Variants in TULP4 observed in about 807,000 individuals in gnomAD.
The protein encoded by TULP4 is tubby-related protein 4.
In TULP4, 16 loss-of-function variants were observed where a neutral mutation model predicts 129.0. The ratio of observed to expected loss-of-function variants is 0.12; its 90% CI spans 0.08 to 0.19. The LOEUF (loss-of-function observed/expected upper bound fraction) is 0.19. Ranked by LOEUF, TULP4 falls within the 10% of genes least tolerant of loss-of-function variation. TULP4 has a pLI of 1.00. For synonymous variants in TULP4, 998 were observed against 854.0 expected, an observed-to-expected ratio of 1.17 and a Z score of -2.94; for missense variants, 1,842 against 2,059.1, an observed-to-expected ratio of 0.89 and a Z score of 2.04.
At chr6:158,455,899 A>G (rs1779282610) in intron 5 of TULP4, among the ~76,000 whole-genome samples, 1 of 152,190 alleles carries the variant, frequency 6.6e-6, no homozygotes, top group African/African-American at 2.4e-5. Context: ...GAAATGACTG[A>G]CAGTAGACAG....
At chr6:158,385,655 A>G (rs1304845048) in intron 1 of TULP4, among the ~76,000 whole-genome samples, 2 of 149,126 alleles carry the variant, frequency 1.3e-5, no homozygotes, top group Admixed American at 6.7e-5. Context: ...TACATGTACA[A>G]TATATACAAA....
chr6:158,450,396 C>G (rs201779250), intron 4 of TULP4, among the ~76,000 whole-genome samples: 7 of 54,218 alleles, frequency 1.3e-4, no homozygotes, highest in Non-Finnish European at 1.3e-4. Context: ...TCTTCTCTTT[C>G]CTGTCACAGT....
intron 1 of TULP4, among the ~76,000 whole-genome samples, chr6:158,380,894 C>CAAAAAAAAAAA (rs1227720723): frequency 1.2e-4 from 9 of 72,226 alleles, no homozygotes; most frequent in African/African-American, 2.8e-4. Flanking sequence ...ACTCTGTCTC[C>CAAAAAAAAAAA]AAAAAAAAAA....
At chr6:158,486,529 G>C (rs1252804929) in intron 8 of TULP4, among the ~76,000 whole-genome samples, 1 of 151,968 alleles carries the variant, frequency 6.6e-6, no homozygotes, top group Non-Finnish European at 1.5e-5. Context: ...CTCCAGCCTG[G>C]GTGACAGAGC....
intron 1 of TULP4, among the ~76,000 whole-genome samples, chr6:158,392,552 T>C (rs779104987): frequency 1.3e-5 from 2 of 152,030 alleles, no homozygotes; most frequent in Non-Finnish European, 2.9e-5. Context: ...AGCTCGACCA[T>C]AGTGTTAAAG....
rs377295842 is a variant in TULP4 at position 158,358,998 on chromosome 6, C to T, written c.252+44730C>T. On this transcript the variant is annotated intron_variant, in intron 1 of 13. Transcript: ENST00000367097. ...TAAGCCGTTTCAGCTTTCTCCTGGGCAGTGGTCAGCCATGTACATTACATG... is the reference window on the plus strand; with the variant it reads ...TAAGCCGTTTCAGCTTTCTCCTGGGTAGTGGTCAGCCATGTACATTACATG... 5.3e-5 allele frequency among the ~76,000 whole-genome samples: 8 copies of T among 152,302 alleles called. No homozygotes were observed. In the South Asian group the frequency reaches 1.5e-3, roughly 28 times the overall value.
At chr6:158,481,492 T>C in intron 8 of TULP4, 1 of 618,504 alleles carries the variant, frequency 1.6e-6, no homozygotes, top group Non-Finnish European at 2.9e-6. Context: ...AGGTTTTTAA[T>C]CATATTCCAT....
chr6:158,239,215 C>T (rs1396448480), intron 1 of TULP4, among the ~76,000 whole-genome samples: 1 of 75,166 alleles, frequency 1.3e-5, no homozygotes, highest in Middle Eastern at 0.014. Context: ...CCGGACGGGA[C>T]GGCTGGCCGG....
chr6:158,391,591 C>G (rs1392109706), intron 1 of TULP4, among the ~76,000 whole-genome samples: 5 of 152,084 alleles, frequency 3.3e-5, no homozygotes, highest in African/African-American at 9.7e-5. Flanking sequence ...GTCTGAGTGG[C>G]AGGGGCTTTC....
chr6:158,487,110 T>C (rs1583930434), intron 8 of TULP4, among the ~76,000 whole-genome samples: 1 of 141,096 alleles, frequency 7.1e-6, no homozygotes, highest in Non-Finnish European at 1.6e-5. Context: ...TAGCTGGGTG[T>C]GGTGGCAGGT....
intron 1 of TULP4, among the ~76,000 whole-genome samples, chr6:158,351,340 A>G (rs1408680969): frequency 6.6e-6 from 1 of 152,164 alleles, no homozygotes; most frequent in African/African-American, 2.4e-5. Context: ...TTTGTGCCTC[A>G]GTTCTCTGTG....
At chr6:158,447,388 A>C (rs1779075277) in intron 3 of TULP4, among the ~76,000 whole-genome samples, 1 of 152,152 alleles carries the variant, frequency 6.6e-6, no homozygotes, top group African/African-American at 2.4e-5. Flanking sequence ...TAATGAATTA[A>C]TTGCTGCGTC....
intron 1 of TULP4, among the ~76,000 whole-genome samples, chr6:158,297,008 T>C (rs906852201): frequency 1.3e-5 from 2 of 152,194 alleles, no homozygotes; most frequent in African/African-American, 2.4e-5. Flanking sequence ...AGAACCAGTC[T>C]GACCTGAAAT....
At chr6:158,378,485 T>TTTTTTTTGTTGGG (rs1554285635) in intron 1 of TULP4, among the ~76,000 whole-genome samples, 1 of 51,288 alleles carries the variant, frequency 1.9e-5, no homozygotes, top group Admixed American at 2.6e-4. Context: ...TTTTTTTTTT[T>TTTTTTTTGTTGGG]GGTGGGGGTG....
intron 1 of TULP4, among the ~76,000 whole-genome samples, chr6:158,379,792 G>C (rs1777282502): frequency 6.6e-6 from 1 of 152,208 alleles, no homozygotes; most frequent in Non-Finnish European, 1.5e-5. Context: ...AGGCATTCCA[G>C]AGCTCTGCTT....
At chr6:158,436,884 C>T (rs543140739) in intron 3 of TULP4, among the ~76,000 whole-genome samples, 6 of 152,074 alleles carry the variant, frequency 3.9e-5, no homozygotes, top group Non-Finnish European at 7.4e-5. Context: ...TTTTTTAAAC[C>T]TAGAAAGTGG....
chr6:158,509,231 T>A lies in TULP4; in HGVS notation c.*2537T>A, dbSNP rs1780676099. On this transcript the variant is annotated 3_prime_UTR_variant, in exon 14 of 14. Coordinates refer to ENST00000367097, the MANE Select transcript of TULP4 (RefSeq NM_020245.5). ...CTGGATAATTTGTAACTTTTCTAAT[T>A]GGGAAAAAATTCCTATTAATCACTT... The A allele has an allele frequency of 6.6e-6, 1 of 152,092 alleles. No homozygotes were observed. The highest frequency in any genetic ancestry group is 6.6e-5 in the Admixed American group (1 of 15,266). The allele number at this position is 152,092 out of a possible 1,614,324, so 9.4% of individuals were successfully genotyped here. A position where few individuals can be genotyped will look rare whatever the true frequency, so the allele number is the denominator to read the frequency against.
intron 1 of TULP4, among the ~76,000 whole-genome samples, chr6:158,240,749 G>C (rs1173765571): frequency 7.8e-6 from 1 of 128,808 alleles, no homozygotes; most frequent in Non-Finnish European, 1.7e-5. Context: ...GCGGGGGGCT[G>C]ACCCCCCCAC....
chr6:158,495,377 T>C (rs1780313114), intron 11 of TULP4, among the ~76,000 whole-genome samples: 1 of 152,184 alleles, frequency 6.6e-6, no homozygotes. Context: ...CATTTTTTGC[T>C]ATAAGCCCTG....
Sources: gnomAD v4.1 joint callset for allele counts (sites outside exome capture counted in the v4.1 genomes callset) on GRCh38, gnomAD v4.1.1 for gene constraint, MANE v1.5 for transcripts, NCBI Gene and HGNC (gene_info 2026-07-23, HGNC 2026-07-21) for gene names.